PTGES3L: variants seen among roughly 807,000 people sequenced by gnomAD.
PTGES3L encodes the protein putative protein PTGES3L.
Under a neutral mutation model 25.0 loss-of-function variants are expected in PTGES3L, and 17 were observed. The ratio of observed to expected loss-of-function variants is 0.68; its 90% CI spans 0.47 to 1.02. PTGES3L has a LOEUF of 1.02. PTGES3L is among the 50% of genes least tolerant of loss of function. The probability of loss-of-function intolerance (pLI) is 0.00; values close to 1 mark genes in which losing one functional copy is unlikely to be tolerated. For missense variants in PTGES3L, 202 were observed against 197.5 expected, an observed-to-expected ratio of 1.02 and a Z score of -0.14; for synonymous variants, 59 against 65.7, an observed-to-expected ratio of 0.90 and a Z score of 0.50.
intron 4 of PTGES3L, among the ~76,000 whole-genome samples, chr17:42,974,032 AAAT>A (rs2049909707): frequency 6.6e-6 from 1 of 151,920 alleles, no homozygotes; most frequent in African/African-American, 2.4e-5. Flanking sequence ...AAATAAAAAA[AAAT>A]AAAGCAACAT....
At chr17:42,971,499 A>G in intron 5 of PTGES3L, 108 bp downstream of exon 5, 1 of 1,191,816 alleles carries the variant, frequency 8.4e-7, no homozygotes. Flanking sequence ...CTGCCTAGAG[A>G]GCTTGCATAT....
At chr17:42,977,332 A>C (rs371921179) in intron 4 of PTGES3L, among the ~76,000 whole-genome samples, 24 of 152,090 alleles carry the variant, frequency 1.6e-4, no homozygotes, top group African/African-American at 5.8e-4. Context: ...AGGCTGAGGA[A>C]GGAGAATCAC....
At chr17:42,973,755 C>G (rs900743111) in intron 4 of PTGES3L, among the ~76,000 whole-genome samples, 1 of 149,310 alleles carries the variant, frequency 6.7e-6, no homozygotes, top group South Asian at 2.1e-4. Context: ...GGGTTAAGGG[C>G]GGTGCAAGAT....
intron 4 of PTGES3L, chr17:42,972,014 C>T (rs1320631518): frequency 4.1e-6 from 1 of 243,608 alleles, no homozygotes; most frequent in Non-Finnish European, 8.1e-6. Flanking sequence ...ATGGTGAAAC[C>T]TCGTCTCTAG....
rs548163288 is a variant in PTGES3L, at chr17:42,971,274, C to T, written c.378+333G>A. ...TCGCGCCATTGCACTCCAGCCTAGG[C>T]GACAGAAAACCACACACACACACAC... On this transcript the variant is annotated intron_variant, in intron 5 of 6. Transcript: ENST00000591916. Among the ~76,000 whole-genome samples the T allele has an allele frequency of 3.5e-3, 362 of 102,156 alleles. 2 individuals carry two copies. The highest frequency in any genetic ancestry group is 0.015 in the South Asian group (34 of 2,314). The allele number at this position is 102,156 out of a possible 152,430, so 67.0% of individuals were successfully genotyped here.
chr17:42,970,050 C>T (rs1043033120), intron 6 of PTGES3L, among the ~76,000 whole-genome samples: 2 of 152,024 alleles, frequency 1.3e-5, no homozygotes, highest in Non-Finnish European at 1.5e-5. Context: ...TCTCTTGAAC[C>T]CAGGAGGCAG....
At chr17:42,975,575 T>C (rs1301251739) in intron 4 of PTGES3L, among the ~76,000 whole-genome samples, 1 of 151,992 alleles carries the variant, frequency 6.6e-6, no homozygotes, top group Non-Finnish European at 1.5e-5. Flanking sequence ...GTCAGGGAGG[T>C]AATGAAAAGG....
chr17:42,973,177 T>C (rs2049882300), intron 4 of PTGES3L, among the ~76,000 whole-genome samples: 1 of 133,072 alleles, frequency 7.5e-6, no homozygotes, highest in African/African-American at 2.8e-5. Context: ...AGCCACCCCA[T>C]CCGGGAGGGA....
chr17:42,977,308 C>T lies in PTGES3L; in HGVS notation c.288+1862G>A, dbSNP rs1216867608. On this transcript the variant is annotated intron_variant, in intron 4 of 6. Coordinates refer to ENST00000591916, the MANE Select transcript of PTGES3L (RefSeq NM_001261430.2). ...GGGCATGGTGGTGGGCACCTGTAAT[C>T]CCAGCTACTCAGGAGGCTGAGGAAG... 2.0e-5 allele frequency among the ~76,000 whole-genome samples: 3 copies of T among 152,106 alleles called. No individual in the cohort carries two copies. The East Asian group carries it at 5.8e-4, about 29-fold the overall frequency.
At position 42,979,204 on chromosome 17, in the gene PTGES3L, A is replaced by G; in HGVS notation, c.254T>C (p.Val85Ala). The change falls in exon 4 of 7, where the codon GTG becomes GCG. Residue 85 changes from valine to alanine, a missense_variant. Val to Ala is a moderately conservative substitution (Grantham distance 64). Transcript: ENST00000591916. ...CTCCTTGGTAAGCCGCGGCCAGGCCACCTTTTCCTTCCATTTTCTCACAAA... is the reference window on the plus strand; with the variant it reads ...CTCCTTGGTAAGCCGCGGCCAGGCCGCCTTTTCCTTCCATTTTCTCACAAA... ...TCFVRKWKEK[V>A]AWPRLTKEDI... 6.2e-7 allele frequency: 1 copy of G among 1,614,102 alleles called. No homozygotes were observed. The highest frequency in any genetic ancestry group is 8.5e-7 in the Non-Finnish European group (1 of 1,180,010).
intron 4 of PTGES3L, among the ~76,000 whole-genome samples, chr17:42,972,591 C>T (rs1309713376): frequency 5.9e-5 from 9 of 152,192 alleles, no homozygotes; most frequent in Non-Finnish European, 8.8e-5. Context: ...CCCGAGGTGC[C>T]GGGATTGCAG....
chr17:42,972,458 G>C (rs1025642174), intron 4 of PTGES3L, among the ~76,000 whole-genome samples: 1 of 151,182 alleles, frequency 6.6e-6, no homozygotes, highest in Non-Finnish European at 1.5e-5. Context: ...TCAGCCTGCC[G>C]AGTGCCTGCG....
chr17:42,979,747 T>C, intron 1 of PTGES3L, 84 bp from the exon 2 acceptor site: 1 of 1,528,448 alleles, frequency 6.5e-7, no homozygotes, highest in Non-Finnish European at 8.9e-7. Flanking sequence ...CAGGGACCTT[T>C]GATGCCACAG....
Position 42,979,373 on chromosome 17 carries a change from C to G in PTGES3L, c.189+5G>C. ...CCAAACCTTACTGTCCCATTTCACC[C>G]TTACCTTGGAGTTCACTTTGGCATA... On this transcript the variant is annotated splice_donor_5th_base_variant and intron_variant, in intron 3 of 6. Transcript: ENST00000591916. 6.2e-7 allele frequency: 1 copy of G among 1,614,166 alleles called. No homozygotes were observed. The highest frequency in any genetic ancestry group is 8.5e-7 in the Non-Finnish European group (1 of 1,180,034).
In PTGES3L at chr17:42,979,613, T is replaced by C. The variant is rs1468040998; in HGVS notation, c.59A>G (p.Glu20Gly). 1 of 1,613,972 alleles carries C rather than the reference T, an allele frequency of 6.2e-7. No individual in the cohort carries two copies. The highest frequency in any genetic ancestry group is 2.2e-5 in the East Asian group (1 of 44,864). ...ATCGGTGCTGTCCTCAACACAAAAC[T>C]CCATGAACACATACCTGGGCCTGTC... ...WYDRPRYVFMEFCVEDSTDVH... is the reference protein window; with the variant it reads ...WYDRPRYVFMGFCVEDSTDVH... Residue 20 changes from glutamate (E) to glycine (G), a missense_variant, in exon 2 of 7, where the codon GAG (glutamate) becomes GGG (glycine). Transcript: ENST00000591916.
chr17:42,970,309 G>A lies in PTGES3L; in HGVS notation c.412C>T (p.Pro138Ser), dbSNP rs904502278. 4 of 1,613,870 alleles carry A rather than the reference G, an allele frequency of 2.5e-6. No individual in the cohort carries two copies. In the African/African-American group the frequency reaches 4.0e-5, roughly 16 times the overall value. The change falls in exon 6 of 7, where the codon CCT becomes TCT. Residue 138 changes from proline to serine, a missense_variant. Transcript: ENST00000591916. ...CTTACATCCAAATCATCCATGGCAG[G>A]TGGAGGTCTCTTGGTGCTGACCTTC... is the stretch of plus-strand genomic sequence containing the variant. ...LKKVSTKRPP[P>S]AMDDLDDDSD...
At chr17:42,973,172 C>T (rs1317972837) in intron 4 of PTGES3L, among the ~76,000 whole-genome samples, 5 of 149,924 alleles carry the variant, frequency 3.3e-5, no homozygotes, top group Admixed American at 3.3e-4. Flanking sequence ...CCAGCAGCCA[C>T]CCCATCCGGG....
intron 5 of PTGES3L, among the ~76,000 whole-genome samples, chr17:42,971,098 G>A (rs979332537): frequency 3.9e-5 from 6 of 151,980 alleles, no homozygotes; most frequent in African/African-American, 1.5e-4. Flanking sequence ...AGGAATTTGA[G>A]ACCAGCCTGG....
At chr17:42,972,265 T>TAA (rs1471460712) in intron 4 of PTGES3L, 1 of 151,148 alleles carries the variant, frequency 6.6e-6, no homozygotes, top group Admixed American at 6.5e-5. Flanking sequence ...TCTGGAAAGA[T>TAA]AATTGTATCA....
Sources: gnomAD v4.1 joint callset for allele counts (sites outside exome capture counted in the v4.1 genomes callset) on GRCh38, gnomAD v4.1.1 for gene constraint, MANE v1.5 for transcripts, NCBI Gene and HGNC (gene_info 2026-07-23, HGNC 2026-07-21) for gene names.